The following FBN2 variants were observed in gnomAD, a reference collection of about 807,000 sequenced individuals.
FBN2 encodes fibrillin 2.
FBN2 carries 105 observed loss-of-function variants against 355.6 expected under a neutral mutation model. The observed-to-expected ratio is 0.30, with a 90% CI of 0.25 to 0.35. FBN2 has a LOEUF of 0.35. Ranked by LOEUF, FBN2 falls within the 10% of genes least tolerant of loss-of-function variation. FBN2 has a pLI of 1.00. For synonymous variants in FBN2, 1,350 were observed against 1,301.2 expected, an observed-to-expected ratio of 1.04 and a Z score of -0.81; for missense variants, 3,280 against 3,758.7, an observed-to-expected ratio of 0.87 and a Z score of 3.33.
rs564850535 is a variant in FBN2, at chr5:128,292,602, C to A, written c.6167-948G>T. On this transcript the variant is annotated intron_variant, in intron 48 of 64. Coordinates refer to ENST00000262464, the MANE Select transcript of FBN2 (RefSeq NM_001999.4). ...AAAACTGCAGAAACCAACACCACCG[C>A]CACCACCACCAACAACAAAAAAAAC... is the stretch of plus-strand genomic sequence containing the variant. Among the ~76,000 whole-genome samples the A allele has an allele frequency of 2.4e-3, 364 of 152,166 alleles. 2 individuals carry two copies. Among genetic ancestry groups the A allele is most frequent in the Non-Finnish European group, 3.6e-3 (243 of 68,010 alleles).
chr5:128,334,191 G>C (rs1581223178), intron 31 of FBN2, among the ~76,000 whole-genome samples: 1 of 151,964 alleles, frequency 6.6e-6, no homozygotes, highest in Admixed American at 6.6e-5. Flanking sequence ...AGAGGAAAAA[G>C]AGAAAGGCAA....
At chr5:128,462,916 G>T (rs1243985057) in intron 6 of FBN2, among the ~76,000 whole-genome samples, 5 of 152,036 alleles carry the variant, frequency 3.3e-5, no homozygotes, top group Admixed American at 3.3e-4. Context: ...TGTATATTAG[G>T]CACTGTTCTA....
intron 24 of FBN2, among the ~76,000 whole-genome samples, chr5:128,344,761 C>T (rs1026161229): frequency 6.6e-6 from 1 of 150,410 alleles, no homozygotes; most frequent in South Asian, 2.1e-4. Flanking sequence ...AGTGCAATGG[C>T]ACAATCTTGG....
At chr5:128,338,905 C>A in intron 26 of FBN2, 28 bp downstream of exon 26, 2 of 1,612,664 alleles carry the variant, frequency 1.2e-6, no homozygotes, top group Non-Finnish European at 1.7e-6. Flanking sequence ...TGGTTTCAAG[C>A]TGGCGAGGAA....
Position 128,500,415 on chromosome 5 carries a change from G to T in FBN2, c.628+18858C>A, listed in dbSNP as rs886682789. On this transcript the variant is annotated intron_variant, in intron 5 of 64. Coordinates refer to ENST00000262464, the MANE Select transcript of FBN2 (RefSeq NM_001999.4). ...AAATGATATAGGGAATGAAAATGAT[G>T]AGACTCTGACAATTCTTTTTTTTTT... Among the ~76,000 whole-genome samples the T allele has an allele frequency of 4.3e-5, 6 of 139,704 alleles. 1 individual carries two copies. The highest frequency in any genetic ancestry group is 9.2e-5 in the Non-Finnish European group (6 of 65,422). 91.7% of individuals were successfully genotyped at this position (139,704 alleles called of 152,430 possible).
intron 10 of FBN2, among the ~76,000 whole-genome samples, chr5:128,392,930 T>C (rs940902623): frequency 1.3e-5 from 2 of 152,212 alleles, no homozygotes; most frequent in Admixed American, 1.3e-4. Context: ...TATTTTCCTA[T>C]TACATTTTCC....
At chr5:128,481,678 C>G (rs1298088328) in intron 5 of FBN2, among the ~76,000 whole-genome samples, 2 of 152,040 alleles carry the variant, frequency 1.3e-5, no homozygotes, top group Non-Finnish European at 2.9e-5. Context: ...TAAACAGCCT[C>G]CAAAAATTAG....
intron 34 of FBN2, among the ~76,000 whole-genome samples, chr5:128,321,381 G>T (rs2126876985): frequency 6.6e-6 from 1 of 152,212 alleles, no homozygotes; most frequent in East Asian, 1.9e-4. Context: ...TGCCATGGTG[G>T]TTTGCTGCAT....
intron 62 of FBN2, among the ~76,000 whole-genome samples, chr5:128,266,342 C>T (rs1045601483): frequency 2.0e-5 from 3 of 152,154 alleles, no homozygotes; most frequent in Admixed American, 6.5e-5. Flanking sequence ...GATATCTGCT[C>T]ATGTATTTTT....
At chr5:128,424,054 C>T (rs564925461) in intron 7 of FBN2, among the ~76,000 whole-genome samples, 3 of 151,982 alleles carry the variant, frequency 2.0e-5, no homozygotes, top group Non-Finnish European at 2.9e-5. Flanking sequence ...ATAAGGTATA[C>T]GTGGGGTGGG....
chr5:128,450,472 G>A (rs912788403), intron 6 of FBN2, among the ~76,000 whole-genome samples: 1 of 151,958 alleles, frequency 6.6e-6, no homozygotes, highest in African/African-American at 2.4e-5. Flanking sequence ...TGGAGAAATA[G>A]AACATATTTT....
chr5:128,310,389 TATATA>T (rs1750012590), intron 39 of FBN2, among the ~76,000 whole-genome samples: 1 of 9,970 alleles, frequency 1.0e-4, no homozygotes, highest in Non-Finnish European at 2.0e-4. Flanking sequence ...TATATATATA[TATATA>T]TATATATATT....
rs1750737436 is a variant in FBN2 at position 128,333,127 on chromosome 5, A to G, written c.4100-93T>C. On this transcript the variant is annotated intron_variant, in intron 31 of 64. Transcript: ENST00000262464. ...TTTTGTATAGGTAACATTTTAAAGT[A>G]AAGATGCAACCGTATGGAGAAAAGA... 1.7e-5 allele frequency: 20 copies of G among 1,146,200 alleles called. No homozygotes were observed. In the South Asian group the frequency reaches 2.0e-4, roughly 12 times the overall value. The allele number at this position is 1,146,200 out of a possible 1,614,324, so 71.0% of individuals were successfully genotyped here.
chr5:128,289,276 AT>A, intron 51 of FBN2, 24 bp from the exon 52 acceptor site: 1 of 1,613,148 alleles, frequency 6.2e-7, no homozygotes, highest in Non-Finnish European at 8.5e-7. Flanking sequence ...CTGCATGTGA[AT>A]TTCCTCATAT....
At chr5:128,368,025 C>T (rs1473170295) in intron 16 of FBN2, among the ~76,000 whole-genome samples, 1 of 152,022 alleles carries the variant, frequency 6.6e-6, no homozygotes, top group Non-Finnish European at 1.5e-5. Context: ...AAAGTTCTTA[C>T]TCATTTTTTT....
At chr5:128,340,884 G>A (rs1750999552) in intron 25 of FBN2, among the ~76,000 whole-genome samples, 2 of 152,170 alleles carry the variant, frequency 1.3e-5, no homozygotes, top group East Asian at 3.8e-4. Context: ...TTTGGAGGGT[G>A]TGGCTTTTGA....
At chr5:128,491,623 A>T (rs1366647595) in intron 5 of FBN2, among the ~76,000 whole-genome samples, 1 of 152,214 alleles carries the variant, frequency 6.6e-6, no homozygotes. Flanking sequence ...TCTTTAATAG[A>T]ATTAACTTTA....
chr5:128,376,317 T>C, intron 14 of FBN2, among the ~76,000 whole-genome samples: 1 of 152,218 alleles, frequency 6.6e-6, no homozygotes, highest in East Asian at 1.9e-4. Context: ...GTCTGTATAT[T>C]AGCTTTATGG....
intron 5 of FBN2, among the ~76,000 whole-genome samples, chr5:128,481,724 A>G (rs1016524564): frequency 6.6e-6 from 1 of 152,220 alleles, no homozygotes; most frequent in Non-Finnish European, 1.5e-5. Context: ...TTATCTATTT[A>G]TATCTTCTGT....
Sources: allele counts gnomAD v4.1 joint callset (sites outside exome capture counted in the v4.1 genomes callset), GRCh38; gene constraint gnomAD v4.1.1; transcripts MANE v1.5; gene names NCBI Gene and HGNC (gene_info 2026-07-23, HGNC 2026-07-21).